The following PCDH9 variants were observed in gnomAD, a reference collection of about 807,000 sequenced individuals.
PCDH9 encodes protocadherin-9.
Under a neutral mutation model 70.6 loss-of-function variants are expected in PCDH9, and 24 were observed. The observed-to-expected ratio is 0.34, with a 90% CI of 0.25 to 0.48. The LOEUF (loss-of-function observed/expected upper bound fraction) is 0.48, where lower values mean the gene tolerates loss of function less well. Among genes scored for constraint, PCDH9 ranks in the 20% least tolerant of loss-of-function variants. The pLI is 0.99. For missense variants in PCDH9, 1,281 were observed against 1,503.6 expected (o/e 0.85, Z 2.45); for synonymous variants, 562 against 558.5 (o/e 1.01, Z -0.09).
rs1224320715 is a variant in PCDH9 at position 66,304,580 on chromosome 13, T to C, written c.*75A>G. 1.3e-5 allele frequency: 15 copies of C among 1,151,108 alleles called. 1 individual carries two copies. The South Asian group carries it at 1.9e-4, about 15-fold the overall frequency. 71.3% of individuals were successfully genotyped at this position (1,151,108 alleles called of 1,614,324 possible). A position where few individuals can be genotyped will look rare whatever the true frequency, so the allele number is the denominator to read the frequency against. ...GAAGGGGCATAGTTGTAGAGATCTA[T>C]TGAATACATAAAGCTCTGACGCACA... On this transcript the variant is annotated 3_prime_UTR_variant, in exon 5 of 5. Transcript: ENST00000377865.
At chr13:67,124,743 G>C (rs953483275) in intron 2 of PCDH9, among the ~76,000 whole-genome samples, 2 of 152,106 alleles carry the variant, frequency 1.3e-5, no homozygotes, top group African/African-American at 4.8e-5. Flanking sequence ...CACTTGTCTT[G>C]ACTGAAGTTT....
chr13:66,896,802 C>T (rs1274536355), intron 3 of PCDH9, among the ~76,000 whole-genome samples: 1 of 152,126 alleles, frequency 6.6e-6, no homozygotes, highest in Non-Finnish European at 1.5e-5. Context: ...AAGAGGTCTG[C>T]ATTGAGGAGA....
At chr13:66,785,197 A>G (rs925606894) in intron 3 of PCDH9, among the ~76,000 whole-genome samples, 5 of 152,082 alleles carry the variant, frequency 3.3e-5, no homozygotes, top group African/African-American at 1.2e-4. Flanking sequence ...CATGCTTTAC[A>G]TATCCATTGG....
intron 4 of PCDH9, among the ~76,000 whole-genome samples, chr13:66,500,378 G>C (rs772193066): frequency 6.6e-6 from 1 of 152,030 alleles, no homozygotes; most frequent in African/African-American, 2.4e-5. Context: ...ATGAAATATC[G>C]TCATTTTTGA....
rs564110599 is a variant in PCDH9, at chr13:66,810,264, T to A, written c.3138+93240A>T. Among the ~76,000 whole-genome samples the A allele has an allele frequency of 9.7e-4, 147 of 152,212 alleles. 1 individual carries two copies. Among genetic ancestry groups the A allele is most frequent in the African/African-American group, 3.5e-3 (145 of 41,548 alleles). The stretch of plus-strand genomic sequence containing the variant: ...TTTGAAAGCAGAGTGTTAGTATAAA[T>A]ACAGAATTTTTTTTAATTTAAAGTG... On this transcript the variant is annotated intron_variant, in intron 3 of 4. Coordinates refer to ENST00000377865, the MANE Select transcript of PCDH9 (RefSeq NM_203487.3).
At chr13:66,598,761 G>A (rs1296957156) in intron 4 of PCDH9, among the ~76,000 whole-genome samples, 1 of 151,772 alleles carries the variant, frequency 6.6e-6, no homozygotes, top group Non-Finnish European at 1.5e-5. Context: ...GTGTTTTAAG[G>A]GAAAAGGGAA....
At chr13:67,182,442 T>A (rs2088641919) in intron 2 of PCDH9, among the ~76,000 whole-genome samples, 1 of 152,172 alleles carries the variant, frequency 6.6e-6, no homozygotes, top group African/African-American at 2.4e-5. Context: ...CCACCTTTTT[T>A]CGCTATATCT....
At chr13:66,369,939 T>G (rs1956616286) in intron 4 of PCDH9, among the ~76,000 whole-genome samples, 1 of 152,116 alleles carries the variant, frequency 6.6e-6, no homozygotes, top group Non-Finnish European at 1.5e-5. Context: ...GGAAAGAATT[T>G]CTGACATATA....
chr13:66,644,601 TATAG>T (rs2077748570), intron 3 of PCDH9, among the ~76,000 whole-genome samples: 1 of 151,966 alleles, frequency 6.6e-6, no homozygotes, highest in South Asian at 2.1e-4. Context: ...GTGTTAGTGA[TATAG>T]ATAATTATGT....
intron 2 of PCDH9, among the ~76,000 whole-genome samples, chr13:67,135,858 C>G (rs1174756401): frequency 6.6e-6 from 1 of 151,940 alleles, no homozygotes; most frequent in Non-Finnish European, 1.5e-5. Context: ...GAATTAGAGA[C>G]CTGGTGGTGT....
chr13:66,654,202 T>C (rs1030755812), intron 3 of PCDH9, among the ~76,000 whole-genome samples: 1 of 152,048 alleles, frequency 6.6e-6, no homozygotes, highest in African/African-American at 2.4e-5. Context: ...TTAAGTGAAA[T>C]AAGCCAGGCA....
At chr13:66,636,965 G>T (rs1399528485) in intron 3 of PCDH9, among the ~76,000 whole-genome samples, 1 of 151,604 alleles carries the variant, frequency 6.6e-6, no homozygotes, top group African/African-American at 2.4e-5. Flanking sequence ...TTCCAAAGAG[G>T]GTTAAAAAAT....
intron 3 of PCDH9, among the ~76,000 whole-genome samples, chr13:66,770,306 A>G (rs964075226): frequency 1.3e-5 from 2 of 152,128 alleles, no homozygotes; most frequent in Non-Finnish European, 1.5e-5. Flanking sequence ...ATAAATTACC[A>G]CTAAAGAACT....
chr13:66,731,940 C>T lies in PCDH9; in HGVS notation c.3139-100529G>A, dbSNP rs190385041. On this transcript the variant is annotated intron_variant, in intron 3 of 4. Coordinates refer to ENST00000377865, the MANE Select transcript of PCDH9 (RefSeq NM_203487.3). ...GATGTCACTGTTTATTTTTTGTGGACCATAAGAACCTCATCATATGTGGAA... is the reference window on the plus strand; with the variant it reads ...GATGTCACTGTTTATTTTTTGTGGATCATAAGAACCTCATCATATGTGGAA... Among the ~76,000 whole-genome samples the T allele has an allele frequency of 5.3e-5, 8 of 151,838 alleles. No individual in the cohort carries two copies. In the East Asian group the frequency reaches 9.7e-4, roughly 18 times the overall value.
At chr13:67,101,268 T>C (rs2086428305) in intron 2 of PCDH9, among the ~76,000 whole-genome samples, 1 of 152,238 alleles carries the variant, frequency 6.6e-6, no homozygotes, top group South Asian at 2.1e-4. Context: ...ATTTGTGATA[T>C]GTACTGCCAC....
chr13:66,396,035 GAGTT>G (rs1329055911), intron 4 of PCDH9, among the ~76,000 whole-genome samples: 1 of 152,122 alleles, frequency 6.6e-6, no homozygotes, highest in Admixed American at 6.5e-5. Flanking sequence ...TAAACAAAAA[GAGTT>G]AGAGAAAGTA....
intron 3 of PCDH9, among the ~76,000 whole-genome samples, chr13:66,863,210 C>A (rs1395176541): frequency 3.9e-5 from 6 of 152,204 alleles, no homozygotes; most frequent in African/African-American, 1.4e-4. Context: ...TCTGTTCTCT[C>A]TGGTAATGAA....
intron 4 of PCDH9, among the ~76,000 whole-genome samples, chr13:66,502,409 C>T (rs1163297013): frequency 6.6e-6 from 1 of 152,008 alleles, no homozygotes; most frequent in Non-Finnish European, 1.5e-5. Context: ...TATTATCTAC[C>T]TTTTGTGATC....
chr13:66,871,391 TAATAAAAAATAAAAATAAA>T (rs1440008796), intron 3 of PCDH9, among the ~76,000 whole-genome samples: 5 of 147,888 alleles, frequency 3.4e-5, no homozygotes, highest in African/African-American at 5.0e-5. Flanking sequence ...AGTATAATAA[TAATAAAAAATAAAAATAAA>T]AATAAAAAAT....
Sources: allele counts gnomAD v4.1 joint callset (sites outside exome capture counted in the v4.1 genomes callset), GRCh38; gene constraint gnomAD v4.1.1; transcripts MANE v1.5; gene names NCBI Gene and HGNC (gene_info 2026-07-23, HGNC 2026-07-21).